Variants in CDKL5 observed in about 807,000 individuals in gnomAD.
CDKL5 encodes cyclin-dependent kinase-like 5.
In CDKL5, 8 loss-of-function variants were observed where a neutral mutation model predicts 61.7. The ratio of observed to expected loss-of-function variants is 0.13; its 90% confidence interval spans 0.08 to 0.23. The LOEUF (loss-of-function observed/expected upper bound fraction) is 0.23, where lower values mean the gene tolerates loss of function less well. Among genes scored for constraint, CDKL5 ranks in the 10% least tolerant of loss-of-function variants. The pLI is 1.00. For missense variants in CDKL5, 440 were observed against 734.5 expected (o/e 0.60, Z 4.63); for synonymous variants, 275 against 272.3 (o/e 1.01, Z -0.10).
rs988351780 is a variant in CDKL5 at position 18,628,247 on chromosome X, C to T, written c.2497-124C>T. ...AAGAACAGATATGGCTGGACCGGCT[C>T]CTCCTTGCACATGCTTGCCCTTCCT... is the stretch of plus-strand genomic sequence containing the variant. On this transcript the variant is annotated intron_variant, in intron 17 of 17. Transcript: ENST00000623535. 2.1e-5 allele frequency: 14 copies of T among 655,325 alleles called. No individual in the cohort carries two copies. In the Middle Eastern group the frequency reaches 2.2e-3, roughly 102 times the overall value. 54.0% of individuals were successfully genotyped at this position (655,325 alleles called of 1,213,427 possible).
chrX:18,644,350 G>T, downstream of CDKL5: 1 of 877,282 alleles, frequency 1.1e-6, no homozygotes, highest in Non-Finnish European at 1.7e-6. Context: ...CTGACAGAGG[G>T]CAGTGACAGG....
At position 18,632,109 on chromosome X, in the gene CDKL5, C is replaced by T. The variant is rs1602302632; in HGVS notation, c.*3352C>T. On this transcript the variant is annotated 3_prime_UTR_variant, in exon 18 of 18. Coordinates refer to ENST00000623535, the MANE Select transcript of CDKL5 (RefSeq NM_001323289.2). ...GCTGAGGTTGAGAAACCCTGCCCTA[C>T]ACCATCCCAAGCCCACCAGTCTGCA... 2 of 753,414 alleles carry T rather than the reference C, an allele frequency of 2.7e-6. No homozygotes were observed. The highest frequency in any genetic ancestry group is 3.1e-6 in the Non-Finnish European group (2 of 638,279). 62.1% of individuals were successfully genotyped at this position (753,414 alleles called of 1,213,427 possible).
chrX:18,437,790 C>A (rs1931641622), intron 1 of CDKL5, among the ~76,000 whole-genome samples: 1 of 111,803 alleles, frequency 8.9e-6, no homozygotes, highest in South Asian at 3.7e-4. Context: ...TGATTTGTTT[C>A]TTTCTCCGAC....
intron 1 of CDKL5, among the ~76,000 whole-genome samples, chrX:18,485,870 A>C (rs912422864): frequency 9.0e-6 from 1 of 111,713 alleles, no homozygotes; most frequent in African/African-American, 3.3e-5. Context: ...AACTAAGGCA[A>C]ATACAATGTT....
chrX:18,587,923 T>C, intron 8 of CDKL5, 31 bp from the exon 9 acceptor site: 1 of 1,178,039 alleles, frequency 8.5e-7, no homozygotes, highest in Non-Finnish European at 1.2e-6. Context: ...TTTTTTCAGT[T>C]GCCAAAATAA....
chrX:18,525,347 C>T (rs757097959), intron 3 of CDKL5, among the ~76,000 whole-genome samples: 7 of 111,862 alleles, frequency 6.3e-5, no homozygotes, highest in South Asian at 3.7e-4. Flanking sequence ...GATCTACCCA[C>T]TTCAGCCTCC....
intron 1 of CDKL5, among the ~76,000 whole-genome samples, chrX:18,449,743 A>G: frequency 9.2e-6 from 1 of 109,032 alleles, no homozygotes; most frequent in Non-Finnish European, 1.9e-5. Flanking sequence ...TTTTTCCTGC[A>G]TTTTCTTTTC....
chrX:18,643,156 A>G, downstream of CDKL5, among the ~76,000 whole-genome samples: 1 of 111,458 alleles, frequency 9.0e-6, no homozygotes, highest in South Asian at 3.9e-4. Context: ...TGTAACATAA[A>G]AACATGCTGT....
intron 1 of CDKL5, among the ~76,000 whole-genome samples, chrX:18,472,025 G>A (rs1921115584): frequency 8.9e-6 from 1 of 112,276 alleles, no homozygotes; most frequent in South Asian, 3.7e-4. Flanking sequence ...ACAGGCATGA[G>A]GCTCTGTGCC....
intron 1 of CDKL5, among the ~76,000 whole-genome samples, chrX:18,489,989 C>T (rs960972848): frequency 3.6e-4 from 40 of 111,331 alleles, no homozygotes; most frequent in African/African-American, 1.0e-3. Flanking sequence ...TATCACAGTT[C>T]GTGGTCTTCA....
intron 3 of CDKL5, among the ~76,000 whole-genome samples, chrX:18,552,903 C>T (rs767353680): frequency 3.3e-4 from 37 of 111,240 alleles, no homozygotes; most frequent in East Asian, 2.8e-3. Context: ...GCAGCTGCGA[C>T]GGAGTTGTCA....
intron 3 of CDKL5, among the ~76,000 whole-genome samples, chrX:18,563,134 T>C (rs925575536): frequency 9.0e-6 from 1 of 111,717 alleles, no homozygotes; most frequent in African/African-American, 3.3e-5. Context: ...ATGTGCGCAG[T>C]TTTTCTCTAT....
chrX:18,478,190 T>C (rs1313578025), intron 1 of CDKL5, among the ~76,000 whole-genome samples: 1 of 111,376 alleles, frequency 9.0e-6, no homozygotes, highest in East Asian at 2.8e-4. Context: ...GATATGAAAT[T>C]CTTGGTTGAC....
At chrX:18,578,499 A>G (rs948975375) in intron 5 of CDKL5, among the ~76,000 whole-genome samples, 1 of 112,159 alleles carries the variant, frequency 8.9e-6, no homozygotes, top group African/African-American at 3.2e-5. Flanking sequence ...TGGGAACCCT[A>G]AGAACTTTTT....
intron 1 of CDKL5, among the ~76,000 whole-genome samples, chrX:18,498,230 C>T (rs941816132): frequency 9.0e-6 from 1 of 111,667 alleles, no homozygotes; most frequent in Non-Finnish European, 1.9e-5. Context: ...TTACCACTTA[C>T]ATGTACATAC....
intron 2 of CDKL5, among the ~76,000 whole-genome samples, chrX:18,510,023 A>G (rs1028374011): frequency 9.1e-6 from 1 of 110,261 alleles, no homozygotes; most frequent in Non-Finnish European, 1.9e-5. Context: ...AAACAGAAAA[A>G]AAAAAAAAAA....
At chrX:18,652,537 T>C (rs1482722385) in intron 21 of CDKL5, among the ~76,000 whole-genome samples, 1 of 111,222 alleles carries the variant, frequency 9.0e-6, no homozygotes, top group Non-Finnish European at 1.9e-5. Flanking sequence ...AGCGCAGTGG[T>C]TGGCACCTGT....
At chrX:18,471,074 A>G (rs1219687337) in intron 1 of CDKL5, among the ~76,000 whole-genome samples, 1 of 112,239 alleles carries the variant, frequency 8.9e-6, no homozygotes, top group Non-Finnish European at 1.9e-5. Context: ...TGGGAAACAC[A>G]GTTCCCGGCT....
intron 3 of CDKL5, among the ~76,000 whole-genome samples, chrX:18,525,025 T>C (rs1043703897): frequency 4.5e-5 from 5 of 111,590 alleles, no homozygotes; most frequent in African/African-American, 1.6e-4. Context: ...TGGGCTCAAG[T>C]AATCCTCCCA....
Sources: allele counts gnomAD v4.1 joint callset (sites outside exome capture counted in the v4.1 genomes callset), GRCh38; gene constraint gnomAD v4.1.1; transcripts MANE v1.5; gene names NCBI Gene and HGNC (gene_info 2026-07-23, HGNC 2026-07-21).